MGAT4C: variants seen among roughly 807,000 people sequenced by gnomAD.
MGAT4C encodes the protein MGAT4 family member C, also known as alpha-1,3-mannosyl-glycoprotein 4-beta-N-acetylglucosaminyltransferase C.
A neutral mutation model predicts 40.1 loss-of-function variants in MGAT4C; 19 were observed. That is an observed-to-expected ratio of 0.47 (90% CI 0.33 to 0.70). The LOEUF (loss-of-function observed/expected upper bound fraction) is 0.70. Ranked by LOEUF, MGAT4C falls within the 30% of genes least tolerant of loss-of-function variation. The pLI is 0.02. For synonymous variants in MGAT4C, 181 were observed against 187.1 expected (o/e 0.97, Z 0.27); for missense variants, 491 against 563.2 (o/e 0.87, Z 1.30).
rs538586108 is a variant in MGAT4C, at chr12:86,273,177, G to T, written c.-57+60888C>A. ...GGATGTAGCATGGATGTTGATTAAAGAAACAAATTTTTGAGGTTAAATTAC... is the reference window on the plus strand; with the variant it reads ...GGATGTAGCATGGATGTTGATTAAATAAACAAATTTTTGAGGTTAAATTAC... On this transcript the variant is annotated intron_variant, in intron 4 of 7. Transcript: ENST00000548651. 4.6e-5 allele frequency among the ~76,000 whole-genome samples: 7 copies of T among 152,214 alleles called. No homozygotes were observed. In the South Asian group the frequency reaches 8.3e-4, roughly 18 times the overall value.
intron 4 of MGAT4C, among the ~76,000 whole-genome samples, chr12:86,317,558 T>A (rs1250416883): frequency 6.6e-6 from 1 of 152,046 alleles, no homozygotes; most frequent in African/African-American, 2.4e-5. Flanking sequence ...AGTATGACAT[T>A]GAGAGTAGGA....
intron 3 of MGAT4C, among the ~76,000 whole-genome samples, chr12:86,410,050 T>C (rs1435357105): frequency 6.6e-6 from 1 of 152,034 alleles, no homozygotes; most frequent in Non-Finnish European, 1.5e-5. Context: ...GATCACATGC[T>C]TTAAAGGGCA....
chr12:85,984,977 G>A (rs545166814), intron 3 of MGAT4C, among the ~76,000 whole-genome samples: 5 of 151,974 alleles, frequency 3.3e-5, no homozygotes, highest in African/African-American at 4.8e-5. Flanking sequence ...ATGAGTTTCC[G>A]CCATGTTGGC....
intron 1 of MGAT4C, among the ~76,000 whole-genome samples, chr12:86,055,903 C>G (rs1893341105): frequency 6.6e-6 from 1 of 152,042 alleles, no homozygotes; most frequent in Non-Finnish European, 1.5e-5. Flanking sequence ...ATTTGCCTGA[C>G]TCCTTGGCAT....
At chr12:86,134,791 G>A (rs540729475) in intron 1 of MGAT4C, among the ~76,000 whole-genome samples, 14 of 152,088 alleles carry the variant, frequency 9.2e-5, no homozygotes, top group South Asian at 4.1e-4. Flanking sequence ...GAAGAGTGCC[G>A]ATCTCTAAGG....
At chr12:86,613,409 A>G (rs569567008) in intron 2 of MGAT4C, among the ~76,000 whole-genome samples, 327 of 152,298 alleles carry the variant, frequency 2.1e-3, no homozygotes, top group African/African-American at 7.4e-3. Context: ...GTGGCAATCA[A>G]TCCGACAAAG....
intron 4 of MGAT4C, among the ~76,000 whole-genome samples, chr12:86,322,313 G>A (rs1219214326): frequency 6.6e-6 from 1 of 151,610 alleles, no homozygotes; most frequent in East Asian, 2.0e-4. Context: ...CATGGCACAT[G>A]TATACATATG....
chr12:86,446,903 A>G (rs568229517), intron 2 of MGAT4C, among the ~76,000 whole-genome samples: 1 of 151,806 alleles, frequency 6.6e-6, no homozygotes, highest in Admixed American at 6.6e-5. Context: ...GATATTCTAA[A>G]TGCTTACCAT....
At chr12:86,050,619 T>C (rs764970178) in intron 1 of MGAT4C, among the ~76,000 whole-genome samples, 3 of 152,012 alleles carry the variant, frequency 2.0e-5, no homozygotes, top group Non-Finnish European at 2.9e-5. Flanking sequence ...ATTTATATAC[T>C]CTTGAGGCAC....
At chr12:86,046,820 T>C (rs1892442247) in intron 2 of MGAT4C, among the ~76,000 whole-genome samples, 1 of 152,316 alleles carries the variant, frequency 6.6e-6, no homozygotes, top group Non-Finnish European at 1.5e-5. Flanking sequence ...ATAGAGTGGA[T>C]ACAGTAGCAG....
intron 1 of MGAT4C, among the ~76,000 whole-genome samples, chr12:86,212,244 C>T (rs1198434596): frequency 6.6e-6 from 1 of 152,056 alleles, no homozygotes; most frequent in Non-Finnish European, 1.5e-5. Flanking sequence ...ATGAAGCAAC[C>T]CTACTAACAT....
intron 1 of MGAT4C, among the ~76,000 whole-genome samples, chr12:86,172,347 A>C (rs1473036669): frequency 6.6e-6 from 1 of 152,160 alleles, no homozygotes; most frequent in African/African-American, 2.4e-5. Context: ...TACTGAAAAC[A>C]CTTGTTCAGT....
chr12:86,632,842 C>A (rs980280526), intron 2 of MGAT4C, among the ~76,000 whole-genome samples: 1 of 151,802 alleles, frequency 6.6e-6, no homozygotes, highest in South Asian at 2.1e-4. Context: ...ACCAACATGG[C>A]ACATGTATAC....
intron 1 of MGAT4C, among the ~76,000 whole-genome samples, chr12:86,053,779 C>T (rs1893120005): frequency 6.6e-6 from 1 of 151,868 alleles, no homozygotes; most frequent in Non-Finnish European, 1.5e-5. Flanking sequence ...CAGGAATAAA[C>T]ATTTCTCAAA....
At chr12:86,824,736 CAAA>C (rs35714537) in intron 1 of MGAT4C, among the ~76,000 whole-genome samples, 1 of 60,302 alleles carries the variant, frequency 1.7e-5, no homozygotes, top group Non-Finnish European at 3.6e-5. Flanking sequence ...ACAGCCAGGC[CAAA>C]AAAAAAAAAA....
intron 2 of MGAT4C, among the ~76,000 whole-genome samples, chr12:86,553,814 T>C (rs776159967): frequency 2.0e-5 from 3 of 152,180 alleles, no homozygotes; most frequent in Non-Finnish European, 4.4e-5. Context: ...AGTTGTGCCA[T>C]CCTTTACTAC....
At chr12:86,205,784 T>C (rs766351759) in intron 1 of MGAT4C, among the ~76,000 whole-genome samples, 2 of 152,044 alleles carry the variant, frequency 1.3e-5, no homozygotes, top group Non-Finnish European at 2.9e-5. Flanking sequence ...CAGACTTCCA[T>C]AAGAATCAGG....
intron 1 of MGAT4C, among the ~76,000 whole-genome samples, chr12:86,224,801 A>G (rs1951015007): frequency 6.6e-6 from 1 of 152,230 alleles, no homozygotes; most frequent in Non-Finnish European, 1.5e-5. Flanking sequence ...TGTTAAGAGG[A>G]AAGTGTATAG....
At position 85,979,728 on chromosome 12, in the gene MGAT4C, T is replaced by C; in HGVS notation, c.998A>G (p.Glu333Gly). The change falls in exon 5 of 5, where the codon GAG (glutamate) becomes GGG (glycine). Residue 333 changes from glutamate to glycine, a missense_variant. Coordinates refer to ENST00000611864, the MANE Select transcript of MGAT4C (RefSeq NM_001351288.2). The stretch of plus-strand genomic sequence containing the variant: ...GGGGTTATCAGGAATGTCAAATGAC[T>C]CCTCTTCAAAATCATCATCCTTCAG... Reference protein sequence around the residue: ...NKLKDDDFEEESFDIPDNPPA... With the variant: ...NKLKDDDFEEGSFDIPDNPPA... 6.2e-7 allele frequency: 1 copy of C among 1,613,510 alleles called. No homozygotes were observed. The highest frequency in any genetic ancestry group is 8.5e-7 in the Non-Finnish European group (1 of 1,179,778).
Sources: allele counts gnomAD v4.1 joint callset (sites outside exome capture counted in the v4.1 genomes callset), GRCh38; gene constraint gnomAD v4.1.1; transcripts MANE v1.5; gene names NCBI Gene and HGNC (gene_info 2026-07-23, HGNC 2026-07-21).